Variants in VN1R4 observed in about 807,000 individuals in gnomAD.
VN1R4 encodes vomeronasal 1 receptor 4.
For synonymous variants in VN1R4, 97 were observed against 138.8 expected, an observed-to-expected ratio of 0.70 and a Z score of 2.12; for missense variants, 291 against 364.2, an observed-to-expected ratio of 0.80 and a Z score of 1.64.
At chr19:53,266,690 G>A in exon 1 of VN1R4, 4 of 1,439,550 alleles carry the variant, frequency 2.8e-6, no homozygotes, top group Non-Finnish European at 3.8e-6. Context: ...GCACAGAAGA[G>A]TAAGTCATCA....
At chr19:53,266,699 C>T in exon 1 of VN1R4, 2 of 1,475,958 alleles carry the variant, frequency 1.4e-6, no homozygotes, top group East Asian at 2.3e-5. Context: ...AGTAAGTCAT[C>T]AATTGAACCA....
At chr19:53,266,760 T>C (rs767928408) in exon 1 of VN1R4, 1 of 1,596,890 alleles carries the variant, frequency 6.3e-7, no homozygotes, top group Non-Finnish European at 8.5e-7. Context: ...GGAGATCTTG[T>C]CATCTTTTCC....
exon 1 of VN1R4, chr19:53,266,688 G>A: frequency 2.8e-6 from 4 of 1,431,406 alleles, no homozygotes; most frequent in South Asian, 1.4e-5. Context: ...CGGCACAGAA[G>A]AGTAAGTCAT....
exon 1 of VN1R4, chr19:53,267,635 T>C (rs759046100): frequency 1.9e-6 from 3 of 1,606,852 alleles, no homozygotes; most frequent in Admixed American, 1.7e-5. Context: ...TGTGATAAGA[T>C]CATTCCCACT....
chr19:53,267,479 G>T lies in VN1R4; in HGVS notation c.187C>A (p.Pro63Thr), dbSNP rs76001231. ...ACCCCAAAAGCTGCCATTGTCTGGG[G>T]GACTCCTTTACAGCGGAGAGCTAAG... The change falls in exon 1 of 1, where the codon CCC (proline) becomes ACC (threonine). Residue 63 changes from proline (P) to threonine (T), a missense_variant. Physicochemically the swap from Pro to Thr is conservative, Grantham distance 38. Transcript: ENST00000311170. The T allele has an allele frequency of 2.3e-3, 3,782 of 1,614,092 alleles. 66 individuals carry two copies. The African/African-American group carries it at 0.044, about 19-fold the overall frequency.
chr19:53,267,001 G>A (rs1297104617), exon 1 of VN1R4: 1 of 1,601,636 alleles, frequency 6.2e-7, no homozygotes, highest in East Asian at 2.3e-5. Flanking sequence ...GGCTCTGGGG[G>A]AGAGATTGCT....
chr19:53,266,727 T>C lies in VN1R4; in HGVS notation c.*33A>G. 4 of 1,548,544 alleles carry C rather than the reference T, an allele frequency of 2.6e-6. 1 individual carries two copies. The highest frequency in any genetic ancestry group is 1.3e-5 in the South Asian group (1 of 79,196). On this transcript the variant is annotated 3_prime_UTR_variant, in exon 1 of 1. Coordinates refer to ENST00000311170, the Ensembl canonical transcript of VN1R4. Reference sequence around the variant, plus strand: ...TTGAACCATGAGCAAATATATACAATGTACATGTTTATGATGAGGTTAGGA... The same window carrying C: ...TTGAACCATGAGCAAATATATACAACGTACATGTTTATGATGAGGTTAGGA...
At chr19:53,266,743 GAGGTT>G in exon 1 of VN1R4, 1 of 1,571,966 alleles carries the variant, frequency 6.4e-7, no homozygotes, top group African/African-American at 1.4e-5. Context: ...TGTTTATGAT[GAGGTT>G]AGGAGATCTT....
At chr19:53,267,333 G>A (rs750644534) in exon 1 of VN1R4, 23 of 1,613,942 alleles carry the variant, frequency 1.4e-5, no homozygotes, top group Non-Finnish European at 1.9e-5. Flanking sequence ...TGGATTTCCT[G>A]GAGCTGACCG....
the VN1R4 span, chr19:53,267,564 G>T: frequency 3.7e-6 from 6 of 1,613,988 alleles, no homozygotes; most frequent in Non-Finnish European, 5.1e-6. Flanking sequence ...TGCACCCAGT[G>T]CAGTAAAAGG....
At chr19:53,266,765 T>C in exon 1 of VN1R4, 1 of 1,598,514 alleles carries the variant, frequency 6.3e-7, no homozygotes, top group Non-Finnish European at 8.5e-7. Context: ...TCTTGTCATC[T>C]TTTCCAGGCA....
exon 1 of VN1R4, chr19:53,267,694 T>C (rs2091357114): frequency 3.9e-6 from 6 of 1,543,908 alleles, no homozygotes; most frequent in Non-Finnish European, 5.2e-6. Context: ...CACTGATGTT[T>C]GTCTTCAGGG....
chr19:53,266,696 C>A, exon 1 of VN1R4: 1 of 1,462,478 alleles, frequency 6.8e-7, no homozygotes, highest in Non-Finnish European at 9.2e-7. Flanking sequence ...AAGAGTAAGT[C>A]ATCAATTGAA....
chr19:53,267,491 A>G, exon 1 of VN1R4: 1 of 1,614,154 alleles, frequency 6.2e-7, no homozygotes, highest in Non-Finnish European at 8.5e-7. Context: ...ACTCCTTTAC[A>G]GCGGAGAGCT....
chr19:53,267,221 C>T (rs1568704967), exon 1 of VN1R4: 1 of 1,610,820 alleles, frequency 6.2e-7, no homozygotes, highest in African/African-American at 1.3e-5. Flanking sequence ...TTGCCAGTCA[C>T]ATACATGGGA....
chr19:53,266,754 A>G, exon 1 of VN1R4: 1 of 1,594,110 alleles, frequency 6.3e-7, no homozygotes, highest in Non-Finnish European at 8.5e-7. Context: ...AGGTTAGGAG[A>G]TCTTGTCATC....
rs368411432 is a variant in VN1R4 at position 53,267,239 on chromosome 19, T to C, written c.427A>G (p.Ile143Val). Residue 143 changes from isoleucine to valine, a missense_variant, in exon 1 of 1, where the codon ATC becomes GTC. Physicochemically the swap from Ile to Val is conservative, Grantham distance 29. Transcript: ENST00000311170. Reference sequence around the variant, plus strand: ...CCAGTCACATACATGGGAAAGATGATGTTTACCAACATGCACACGATCCAG... The same window carrying C: ...CCAGTCACATACATGGGAAAGATGACGTTTACCAACATGCACACGATCCAG... The C allele has an allele frequency of 1.8e-4, 288 of 1,609,716 alleles. 3 individuals carry two copies. The highest frequency in any genetic ancestry group is 1.2e-3 in the East Asian group (54 of 44,822).
exon 1 of VN1R4, chr19:53,266,693 A>G (rs2091349402): frequency 4.1e-6 from 6 of 1,445,976 alleles, no homozygotes; most frequent in South Asian, 1.4e-5. Context: ...CAGAAGAGTA[A>G]GTCATCAATT....
Position 53,266,691 on chromosome 19 carries a change from TA to T in VN1R4, c.*68del, listed in dbSNP as rs1389368160. On this transcript the variant is annotated 3_prime_UTR_variant, in exon 1 of 1. Transcript: ENST00000311170. ...AAGATTACATTGCGGCACAGAAGAG[TA>T]AGTCATCAATTGAACCATGAGCAAA... 10 of 1,438,540 alleles carry T rather than the reference TA, an allele frequency of 7.0e-6. No homozygotes were observed. In the African/African-American group the frequency reaches 1.3e-4, roughly 18 times the overall value. 89.1% of individuals were successfully genotyped at this position (1,438,540 alleles called of 1,614,324 possible).
Sources: gnomAD v4.1 joint callset for allele counts on GRCh38, gnomAD v4.1.1 for gene constraint, MANE v1.5 for transcripts, NCBI Gene and HGNC (gene_info 2026-07-23, HGNC 2026-07-21) for gene names.